The following ITK variants were observed in gnomAD, a reference collection of about 807,000 sequenced individuals.
ITK encodes tyrosine-protein kinase ITK/TSK.
Under a neutral mutation model 87.6 loss-of-function variants are expected in ITK, and 45 were observed. That is an observed-to-expected ratio of 0.51 (90% confidence interval 0.40 to 0.66). The LOEUF (loss-of-function observed/expected upper bound fraction) is 0.66. Ranked by LOEUF, ITK falls within the 30% of genes least tolerant of loss-of-function variation. The probability of loss-of-function intolerance (pLI) is 0.00; values close to 1 mark genes in which losing one functional copy is unlikely to be tolerated. For missense variants in ITK, 605 were observed against 766.3 expected (o/e 0.79, Z 2.48); for synonymous variants, 303 against 273.6 (o/e 1.11, Z -1.06).
intron 1 of ITK, among the ~76,000 whole-genome samples, chr5:157,201,729 T>C (rs1362131598): frequency 8.0e-6 from 1 of 124,666 alleles, no homozygotes; most frequent in Non-Finnish European, 1.6e-5. Context: ...CACCACATAA[T>C]TTTCCACAAA....
rs200351890 is a variant in ITK, at chr5:157,238,162, C to T, written c.822C>T (p.Thr274=). The change falls in exon 9 of 17, where the codon ACC becomes ACT. Residue 274 remains threonine, a synonymous_variant. Coordinates refer to ENST00000422843, the MANE Select transcript of ITK (RefSeq NM_005546.4). ...ATTCCAGGACTGCAGGAACATACAC[C>T]GTGTCTGTTTTCACCAAGGCTGTTG... The part of the protein sequence containing the change: ...VRDSRTAGTY[T]VSVFTKAVVS... 397 of 1,613,584 alleles carry T rather than the reference C, an allele frequency of 2.5e-4. No individual in the cohort carries two copies. Among genetic ancestry groups the T allele is most frequent in the Admixed American group, 3.3e-4 (20 of 59,998 alleles).
At chr5:157,219,244 C>G (rs1428470958) in intron 5 of ITK, among the ~76,000 whole-genome samples, 1 of 151,922 alleles carries the variant, frequency 6.6e-6, no homozygotes, top group South Asian at 2.1e-4. Flanking sequence ...TCCTGAGTAG[C>G]TGGGATTACA....
At chr5:157,252,165 T>C (rs1321466071) in intron 16 of ITK, among the ~76,000 whole-genome samples, 1 of 152,238 alleles carries the variant, frequency 6.6e-6, no homozygotes, top group Non-Finnish European at 1.5e-5. Context: ...CTTTCTTTTA[T>C]TAGAATTTTT....
At chr5:157,245,668 T>C (rs1755005874) in intron 13 of ITK, 58 bp from the exon 14 acceptor site, 2 of 1,336,618 alleles carry the variant, frequency 1.5e-6, no homozygotes, top group Admixed American at 1.7e-5. Context: ...ACTCCTTAAC[T>C]ACTGATGACT....
chr5:157,181,929 T>A (rs1481524176), intron 1 of ITK, among the ~76,000 whole-genome samples: 2 of 152,168 alleles, frequency 1.3e-5, no homozygotes, highest in African/African-American at 4.8e-5. Context: ...GGACAAAGGG[T>A]CAGGAGACCA....
At chr5:157,205,698 C>A (rs1475646790) in intron 1 of ITK, among the ~76,000 whole-genome samples, 1 of 152,138 alleles carries the variant, frequency 6.6e-6, no homozygotes, top group African/African-American at 2.4e-5. Flanking sequence ...TCAAGGGGAA[C>A]GCCTTCAGCT....
At chr5:157,234,292 T>C (rs913454196) in intron 8 of ITK, among the ~76,000 whole-genome samples, 1 of 152,024 alleles carries the variant, frequency 6.6e-6, no homozygotes, top group Admixed American at 6.5e-5. Context: ...TCCTTACTAA[T>C]ATTTTGAGCT....
chr5:157,195,415 A>G (rs1489777396), intron 1 of ITK: 2 of 152,204 alleles, frequency 1.3e-5, no homozygotes, highest in African/African-American at 4.8e-5. Context: ...TTGTTTGGCG[A>G]TCTTGTGAAA....
intron 5 of ITK, among the ~76,000 whole-genome samples, chr5:157,222,028 A>C (rs1754428949): frequency 6.6e-6 from 1 of 152,084 alleles, no homozygotes; most frequent in Non-Finnish European, 1.5e-5. Context: ...GAGATGACAT[A>C]CTACATCAAA....
At chr5:157,234,152 T>C (rs1197152092) in intron 8 of ITK, among the ~76,000 whole-genome samples, 1 of 151,184 alleles carries the variant, frequency 6.6e-6, no homozygotes, top group Non-Finnish European at 1.5e-5. Flanking sequence ...AACTCATTTT[T>C]GTATTTTTAC....
chr5:157,183,745 C>T (rs1240632439), intron 1 of ITK, among the ~76,000 whole-genome samples: 3 of 152,148 alleles, frequency 2.0e-5, no homozygotes, highest in African/African-American at 7.2e-5. Context: ...TATTGCCCCT[C>T]TTAGGGTGTC....
At chr5:157,213,564 T>C in intron 3 of ITK, 1 of 450,958 alleles carries the variant, frequency 2.2e-6, no homozygotes, top group Non-Finnish European at 4.4e-6. Flanking sequence ...TTTTTTTTGG[T>C]AGAAAAGGGG....
At chr5:157,241,072 G>A (rs1354895827) in intron 10 of ITK, 3 of 153,356 alleles carry the variant, frequency 2.0e-5, no homozygotes, top group Non-Finnish European at 4.3e-5. Flanking sequence ...TGATTAGCTG[G>A]GATTACAGGC....
At chr5:157,210,398 A>AAATATTC (rs1445234060) in intron 2 of ITK, among the ~76,000 whole-genome samples, 3 of 152,074 alleles carry the variant, frequency 2.0e-5, no homozygotes, top group African/African-American at 7.2e-5. Flanking sequence ...AATTTTGAGG[A>AAATATTC]CTGAAAATAA....
At chr5:157,203,885 G>C (rs1428263562) in intron 1 of ITK, among the ~76,000 whole-genome samples, 7 of 152,204 alleles carry the variant, frequency 4.6e-5, no homozygotes, top group Admixed American at 4.6e-4. Flanking sequence ...CCCTATAAAA[G>C]TGCAGGGAAA....
chr5:157,217,430 C>A (rs1216592598), intron 4 of ITK, among the ~76,000 whole-genome samples: 1 of 152,152 alleles, frequency 6.6e-6, no homozygotes, highest in Non-Finnish European at 1.5e-5. Context: ...TCAGCCACCC[C>A]CTCCTCAAGC....
chr5:157,210,936 C>A (rs987684216), intron 2 of ITK, among the ~76,000 whole-genome samples: 1 of 151,948 alleles, frequency 6.6e-6, no homozygotes, highest in African/African-American at 2.4e-5. Flanking sequence ...GCACATTTGT[C>A]ATATAATATC....
chr5:157,233,574 C>G (rs980307774), intron 8 of ITK, among the ~76,000 whole-genome samples: 6 of 152,140 alleles, frequency 3.9e-5, no homozygotes, highest in Non-Finnish European at 7.3e-5. Flanking sequence ...ATCAGAGTCT[C>G]TAGTGTTAGT....
chr5:157,222,866 C>A lies in ITK; in HGVS notation c.499C>A (p.Pro167Thr). The A allele has an allele frequency of 6.2e-7, 1 of 1,614,058 alleles. No individual in the cohort carries two copies. The highest frequency in any genetic ancestry group is 8.5e-7 in the Non-Finnish European group (1 of 1,180,008). ...TTTTGTTGTCTCTCTTCCCCAGCGA[C>A]CACTTTGGGAACCTGAAGAAACTGT... ...LPPTPEDNRR[P>T]LWEPEETVVI... The change falls in exon 6 of 17, where the codon CCA (proline) becomes ACA (threonine). Residue 167 changes from proline to threonine, a missense_variant. Physicochemically the swap from Pro to Thr is conservative, Grantham distance 38. Around this residue, in one of 3 missense-constraint regions of ITK, gnomAD observed 464 missense variants for 578.0 expected, o/e 0.80. Coordinates refer to ENST00000422843, the MANE Select transcript of ITK (RefSeq NM_005546.4).
Sources: gnomAD v4.1 joint callset for allele counts (sites outside exome capture counted in the v4.1 genomes callset) on GRCh38, gnomAD v4.1.1 for gene constraint, gnomAD v4.1.1 regional missense constraint, MANE v1.5 for transcripts, NCBI Gene and HGNC (gene_info 2026-07-23, HGNC 2026-07-21) for gene names.